Variants in ASIC2 observed in about 807,000 individuals in gnomAD.
ASIC2 encodes acid sensing ion channel subunit 2.
Under a neutral mutation model 57.3 loss-of-function variants are expected in ASIC2, and 25 were observed. That is an observed-to-expected ratio of 0.44 (90% CI 0.32 to 0.61). The LOEUF (loss-of-function observed/expected upper bound fraction) is 0.61. ASIC2 is among the 20% of genes least tolerant of loss of function. The probability of loss-of-function intolerance (pLI) is 0.06; values close to 1 mark genes in which losing one functional copy is unlikely to be tolerated. For synonymous variants in ASIC2, 319 were observed against 307.5 expected (o/e 1.04, Z -0.39); for missense variants, 641 against 738.1 (o/e 0.87, Z 1.52).
chr17:33,546,033 C>A (rs1315799236), intron 1 of ASIC2, among the ~76,000 whole-genome samples: 1 of 151,846 alleles, frequency 6.6e-6, no homozygotes, highest in African/African-American at 2.4e-5. Flanking sequence ...GAAGGCTGTT[C>A]ATAGAAATGA....
At chr17:33,055,739 C>T (rs1218424834) in intron 3 of ASIC2, among the ~76,000 whole-genome samples, 1 of 152,098 alleles carries the variant, frequency 6.6e-6, no homozygotes, top group Non-Finnish European at 1.5e-5. Context: ...AATTGAATCC[C>T]AGATGGCACT....
intron 1 of ASIC2, among the ~76,000 whole-genome samples, chr17:33,322,060 C>A (rs1906893704): frequency 6.6e-6 from 1 of 152,184 alleles, no homozygotes; most frequent in South Asian, 2.1e-4. Flanking sequence ...TAGAGAGTGA[C>A]ACATAACAGT....
intron 1 of ASIC2, among the ~76,000 whole-genome samples, chr17:33,254,660 C>T (rs1908997049): frequency 6.6e-6 from 1 of 152,122 alleles, no homozygotes; most frequent in Non-Finnish European, 1.5e-5. Context: ...CCCTGATTGT[C>T]TCTCCCACTT....
At chr17:33,260,553 C>T (rs772083964) in intron 1 of ASIC2, among the ~76,000 whole-genome samples, 3 of 152,300 alleles carry the variant, frequency 2.0e-5, no homozygotes, top group South Asian at 2.1e-4. Context: ...GGATCGCTGC[C>T]GCCAGGGGGG....
At chr17:33,337,746 G>A (rs894896608) in intron 1 of ASIC2, among the ~76,000 whole-genome samples, 69 of 152,020 alleles carry the variant, frequency 4.5e-4, no homozygotes, top group Non-Finnish European at 1.9e-4. Flanking sequence ...GTTCTGGAAG[G>A]GCAAAGAAAA....
intron 2 of ASIC2, among the ~76,000 whole-genome samples, chr17:33,092,906 G>C (rs2092163268): frequency 6.6e-6 from 1 of 152,196 alleles, no homozygotes; most frequent in African/African-American, 2.4e-5. Context: ...GAGTGAGGAA[G>C]TATCCCTTGC....
At position 33,552,052 on chromosome 17, in the gene ASIC2, C is replaced by T. The variant is rs189542850; in HGVS notation, c.556-439985G>A. Among the ~76,000 whole-genome samples, 5 of 152,292 alleles carry T rather than the reference C, an allele frequency of 3.3e-5. No individual in the cohort carries two copies. In the East Asian group the frequency reaches 9.7e-4, roughly 29 times the overall value. On this transcript the variant is annotated intron_variant, in intron 1 of 9. Transcript: ENST00000359872. Reference sequence around the variant, plus strand: ...GTCGGGATGGGCTCACAGCATGGAACACATTAAAATCTCATTGCCCACCGC... The same window carrying T: ...GTCGGGATGGGCTCACAGCATGGAATACATTAAAATCTCATTGCCCACCGC...
chr17:34,052,791 G>C lies in ASIC2; in HGVS notation c.555+103187C>G, dbSNP rs995776197. The stretch of plus-strand genomic sequence containing the variant: ...GCCATCATGCCCAGCTATTTTTTTT[G>C]TATTTTTAGTAGAGATGGGATTTCA... On this transcript the variant is annotated intron_variant, in intron 1 of 9. Transcript: ENST00000359872. Among the ~76,000 whole-genome samples the C allele has an allele frequency of 4.2e-4, 63 of 151,318 alleles. 1 individual carries two copies. The highest frequency in any genetic ancestry group is 1.5e-3 in the African/African-American group (63 of 41,078).
chr17:34,024,489 G>T (rs879139997), intron 1 of ASIC2, among the ~76,000 whole-genome samples: 1 of 152,224 alleles, frequency 6.6e-6, no homozygotes, highest in Non-Finnish European at 1.5e-5. Context: ...GGTCACTGTC[G>T]ATAGCATTAG....
intron 1 of ASIC2, among the ~76,000 whole-genome samples, chr17:33,205,977 C>A (rs1907045289): frequency 6.6e-6 from 1 of 152,144 alleles, no homozygotes; most frequent in South Asian, 2.1e-4. Context: ...AAGCTCAACA[C>A]TAAATTATGA....
At chr17:34,068,857 C>T (rs1163859861) in intron 1 of ASIC2, among the ~76,000 whole-genome samples, 1 of 152,230 alleles carries the variant, frequency 6.6e-6, no homozygotes, top group Admixed American at 6.5e-5. Flanking sequence ...CCCTAACTCA[C>T]TCCTGGACAG....
intron 1 of ASIC2, among the ~76,000 whole-genome samples, chr17:33,552,414 A>G (rs1296777305): frequency 1.3e-5 from 2 of 152,140 alleles, no homozygotes; most frequent in East Asian, 1.9e-4. Flanking sequence ...ACCTTTGCCA[A>G]CTCATGCTTT....
At chr17:33,787,778 C>G (rs1911651291) in intron 1 of ASIC2, among the ~76,000 whole-genome samples, 1 of 152,124 alleles carries the variant, frequency 6.6e-6, no homozygotes, top group African/African-American at 2.4e-5. Flanking sequence ...TGTGCCCATC[C>G]AAATCGCATG....
chr17:33,244,533 G>C (rs930991464), intron 1 of ASIC2, among the ~76,000 whole-genome samples: 45 of 152,202 alleles, frequency 3.0e-4, no homozygotes, highest in African/African-American at 1.0e-3. Context: ...TGACTAAAAT[G>C]TTTACGCAGA....
chr17:33,706,453 A>C lies in ASIC2; in HGVS notation c.555+449525T>G, dbSNP rs529222242. Among the ~76,000 whole-genome samples the C allele has an allele frequency of 7.9e-5, 12 of 151,664 alleles. No individual in the cohort carries two copies. In the South Asian group the frequency reaches 2.5e-3, roughly 32 times the overall value. Reference sequence around the variant, plus strand: ...TTTCCAGGCTGGTCTCAAATTCCTGAGCTCAAGCAATCCACCCACCTTCAC... The same window carrying C: ...TTTCCAGGCTGGTCTCAAATTCCTGCGCTCAAGCAATCCACCCACCTTCAC... On this transcript the variant is annotated intron_variant, in intron 1 of 9. Transcript: ENST00000359872.
chr17:33,331,188 G>A (rs1055503197), intron 1 of ASIC2, among the ~76,000 whole-genome samples: 1 of 152,146 alleles, frequency 6.6e-6, no homozygotes, highest in African/African-American at 2.4e-5. Flanking sequence ...GATGATCTGA[G>A]GTGGAACCAT....
At chr17:33,584,412 T>A (rs1002398115) in intron 1 of ASIC2, among the ~76,000 whole-genome samples, 2 of 152,306 alleles carry the variant, frequency 1.3e-5, no homozygotes, top group African/African-American at 4.8e-5. Flanking sequence ...ACCCCAGGAC[T>A]GAGTTGATTT....
chr17:33,887,486 G>A (rs1418339743), intron 1 of ASIC2, among the ~76,000 whole-genome samples: 1 of 152,202 alleles, frequency 6.6e-6, no homozygotes, highest in African/African-American at 2.4e-5. Flanking sequence ...GGAGCTTACT[G>A]TGCAGGGGCT....
At chr17:33,518,536 C>T (rs1029725480) in intron 1 of ASIC2, among the ~76,000 whole-genome samples, 1 of 152,174 alleles carries the variant, frequency 6.6e-6, no homozygotes, top group Admixed American at 6.5e-5. Context: ...GTGTGGCCTC[C>T]ACCAGCTGTT....
Sources: gnomAD v4.1 joint callset for allele counts (sites outside exome capture counted in the v4.1 genomes callset) on GRCh38, gnomAD v4.1.1 for gene constraint, MANE v1.5 for transcripts, NCBI Gene and HGNC (gene_info 2026-07-23, HGNC 2026-07-21) for gene names.